The following THRA variants were observed in gnomAD, a reference collection of about 807,000 sequenced individuals.
THRA encodes the protein thyroid hormone receptor alpha, also known as EAR-7.
THRA carries 13 observed loss-of-function variants against 45.0 expected under a neutral mutation model. The observed-to-expected ratio is 0.29, with a 90% CI of 0.19 to 0.46. The LOEUF (loss-of-function observed/expected upper bound fraction) is 0.46. Among genes scored for constraint, THRA ranks in the 20% least tolerant of loss-of-function variants. The pLI, the probability that THRA is intolerant of heterozygous loss-of-function variation, is 1.00. For missense variants in THRA, 278 were observed against 556.1 expected (o/e 0.50, Z 5.03); for synonymous variants, 195 against 214.0 (o/e 0.91, Z 0.78).
upstream of THRA, chr17:40,062,481 G>A (rs1003478278): frequency 6.6e-6 from 1 of 152,030 alleles, no homozygotes; most frequent in East Asian, 1.9e-4. Flanking sequence ...GCGGAGAAGG[G>A]ACCCGAACTC....
intron 1 of THRA, among the ~76,000 whole-genome samples, chr17:40,072,366 C>T (rs1352609192): frequency 5.9e-5 from 9 of 152,196 alleles, no homozygotes; most frequent in African/African-American, 1.7e-4. Context: ...GGGGCTGCCC[C>T]TCTCTCAGCA....
At chr17:40,086,582 GGGACTCAGGCAC>G (rs1223849766) in intron 6 of THRA, 113 bp from the exon 7 acceptor site, 2 of 1,219,198 alleles carry the variant, frequency 1.6e-6, no homozygotes, top group East Asian at 2.5e-5. Flanking sequence ...CTTTGGGCCT[GGGACTCAGGCAC>G]GGGCGGCCCC....
chr17:40,093,227 C>T, downstream of THRA: 1 of 1,613,712 alleles, frequency 6.2e-7, no homozygotes. This position sits in a 1 kb window ranked among gnomAD's most constrained non-coding sequence, Gnocchi z 5.9. Context: ...GAAGAGCCCG[C>T]AGCAGCGTCT....
At chr17:40,067,322 G>A (rs1986610386) in intron 1 of THRA, among the ~76,000 whole-genome samples, 1 of 152,182 alleles carries the variant, frequency 6.6e-6, no homozygotes, top group Admixed American at 6.5e-5. Context: ...TCTGAGCTCT[G>A]GGGGTGGGAG....
chr17:40,069,226 CT>C (rs1371085279), intron 1 of THRA, among the ~76,000 whole-genome samples: 1 of 150,154 alleles, frequency 6.7e-6, no homozygotes, highest in Admixed American at 6.6e-5. Context: ...TCTCTCTTCC[CT>C]CCCCCTTCCT....
chr17:40,092,938 A>G lies in THRA; in HGVS notation c.*3482A>G, dbSNP rs1406925389. On this transcript the variant is annotated 3_prime_UTR_variant, in exon 9 of 9. Coordinates refer to ENST00000450525, the MANE Select transcript of THRA (RefSeq NM_199334.5). The stretch of plus-strand genomic sequence containing the variant: ...GAGGCAGGTATTTACAAGAAGGCTC[A>G]GGGGGCCAGAGGCTCATCTTGGAAT... The G allele has an allele frequency of 1.1e-5, 17 of 1,530,014 alleles. No homozygotes were observed. The highest frequency in any genetic ancestry group is 6.9e-5 in the East Asian group (3 of 43,240). 94.8% of individuals were successfully genotyped at this position (1,530,014 alleles called of 1,614,324 possible). A position where few individuals can be genotyped will look rare whatever the true frequency, so the allele number is the denominator to read the frequency against.
chr17:40,063,890 A>T (rs1247920174), intron 1 of THRA, among the ~76,000 whole-genome samples: 2 of 151,648 alleles, frequency 1.3e-5, no homozygotes, highest in Non-Finnish European at 2.9e-5. Context: ...TGACAGGGGC[A>T]ATTGAAAGAA....
At chr17:40,069,493 G>A (rs1986698499) in intron 1 of THRA, among the ~76,000 whole-genome samples, 2 of 151,916 alleles carry the variant, frequency 1.3e-5, no homozygotes, top group Non-Finnish European at 2.9e-5. Flanking sequence ...CCCAAGCCTT[G>A]TGCCCATGGT....
chr17:40,075,150 C>T (rs1986907003), intron 2 of THRA, among the ~76,000 whole-genome samples: 1 of 152,268 alleles, frequency 6.6e-6, no homozygotes, highest in Admixed American at 6.5e-5. Context: ...CCTGCACATA[C>T]ACCAAGGGAT....
chr17:40,093,659 C>T (rs1987677607), downstream of THRA: 3 of 647,094 alleles, frequency 4.6e-6, no homozygotes, highest in Non-Finnish European at 5.2e-6. This position sits in a 1 kb window ranked among gnomAD's most constrained non-coding sequence, Gnocchi z 5.9. Context: ...CAAGTGTCAC[C>T]TCCTTCCCCA....
chr17:40,064,378 C>T (rs1986476817), intron 1 of THRA, among the ~76,000 whole-genome samples: 2 of 152,230 alleles, frequency 1.3e-5, no homozygotes, highest in East Asian at 1.9e-4. Context: ...TTACAAAAGA[C>T]CCTGTCACTC....
intron 4 of THRA, among the ~76,000 whole-genome samples, chr17:40,078,355 G>A (rs1171430877): frequency 1.3e-5 from 2 of 152,172 alleles, no homozygotes; most frequent in Non-Finnish European, 2.9e-5. Flanking sequence ...GGTGCCACAT[G>A]CCTGTGGTCC....
At chr17:40,069,277 GTC>G (rs1253143672) in intron 1 of THRA, among the ~76,000 whole-genome samples, 1 of 144,830 alleles carries the variant, frequency 6.9e-6, no homozygotes, top group African/African-American at 2.6e-5. Context: ...TTCTGTCCCT[GTC>G]TCTCTGTCTC....
intron 1 of THRA, among the ~76,000 whole-genome samples, chr17:40,073,728 G>A (rs1249549022): frequency 6.6e-6 from 1 of 152,096 alleles, no homozygotes; most frequent in African/African-American, 2.4e-5. Flanking sequence ...GGGCATTCAT[G>A]CTCACTGCGT....
At chr17:40,069,622 C>A (rs1282230359) in intron 1 of THRA, among the ~76,000 whole-genome samples, 1 of 151,794 alleles carries the variant, frequency 6.6e-6, no homozygotes, top group Non-Finnish European at 1.5e-5. Flanking sequence ...ATGTGCCGTG[C>A]CCAGCTTGGG....
chr17:40,087,173 G>A (rs904017927), intron 7 of THRA, among the ~76,000 whole-genome samples: 1 of 128,860 alleles, frequency 7.8e-6, no homozygotes, highest in Non-Finnish European at 1.6e-5. Flanking sequence ...CAGATACATA[G>A]AAACACACAC....
At chr17:40,083,529 C>T (rs1987220505) in intron 4 of THRA, among the ~76,000 whole-genome samples, 1 of 152,228 alleles carries the variant, frequency 6.6e-6, no homozygotes, top group African/African-American at 2.4e-5. Flanking sequence ...ATTTCCAAAG[C>T]TGCTATTCCT....
chr17:40,065,251 T>C (rs1244152999), intron 1 of THRA, among the ~76,000 whole-genome samples: 1 of 152,092 alleles, frequency 6.6e-6, no homozygotes, highest in East Asian at 1.9e-4. Flanking sequence ...GCCCCTGCTC[T>C]GAGTCATTTG....
At chr17:40,064,780 T>C (rs542272018) in intron 1 of THRA, among the ~76,000 whole-genome samples, 1 of 152,264 alleles carries the variant, frequency 6.6e-6, no homozygotes, top group Non-Finnish European at 1.5e-5. Context: ...TAAATACTTG[T>C]TAGTTGATTG....
Sources: allele counts gnomAD v4.1 joint callset (sites outside exome capture counted in the v4.1 genomes callset), GRCh38; gene constraint gnomAD v4.1.1; non-coding constraint Gnocchi (gnomAD v3.1); transcripts MANE v1.5; gene names NCBI Gene and HGNC (gene_info 2026-07-23, HGNC 2026-07-21).